MRC1: variants seen among roughly 807,000 people sequenced by gnomAD.
MRC1 encodes the protein mannose receptor C-type 1.
Under a neutral mutation model 102.9 loss-of-function variants are expected in MRC1, and 62 were observed. The ratio of observed to expected loss-of-function variants is 0.60; its 90% CI spans 0.49 to 0.74. MRC1 has a LOEUF of 0.74. Among genes scored for constraint, MRC1 ranks in the 30% least tolerant of loss-of-function variants. The pLI is 0.00. For synonymous variants in MRC1, 457 were observed against 298.4 expected, an observed-to-expected ratio of 1.53 and a Z score of -5.48; for missense variants, 1,237 against 862.8, an observed-to-expected ratio of 1.43 and a Z score of -5.43.
At chr10:17,820,181 T>C (rs1838374131) in intron 1 of MRC1, among the ~76,000 whole-genome samples, 1 of 152,180 alleles carries the variant, frequency 6.6e-6, no homozygotes, top group South Asian at 2.1e-4. Flanking sequence ...TGGTGCTTGA[T>C]CAAATATCTG....
intron 4 of MRC1, among the ~76,000 whole-genome samples, chr10:17,839,001 AG>A (rs2130622607): frequency 6.6e-6 from 1 of 152,310 alleles, no homozygotes; most frequent in East Asian, 1.9e-4. Context: ...TTTTAACCCA[AG>A]ATTTGAATTT....
intron 4 of MRC1, among the ~76,000 whole-genome samples, chr10:17,839,889 TC>T (rs1318628030): frequency 6.7e-6 from 1 of 148,552 alleles, no homozygotes; most frequent in Non-Finnish European, 1.5e-5. Flanking sequence ...TGAAATGTCA[TC>T]CCTCCTAAAA....
intron 8 of MRC1, among the ~76,000 whole-genome samples, chr10:17,855,443 C>A (rs976084297): frequency 4.3e-4 from 66 of 151,846 alleles, no homozygotes; most frequent in African/African-American, 1.5e-3. Context: ...TGGTGGCAGG[C>A]GCCTGTAGTC....
chr10:17,817,103 C>T (rs1838323976), intron 1 of MRC1, among the ~76,000 whole-genome samples: 1 of 151,940 alleles, frequency 6.6e-6, no homozygotes, highest in Non-Finnish European at 1.5e-5. Context: ...CAAAAATTAG[C>T]TGGGTGTGTG....
At chr10:17,843,058 A>G (rs1838774121) in intron 5 of MRC1, among the ~76,000 whole-genome samples, 1 of 152,226 alleles carries the variant, frequency 6.6e-6, no homozygotes, top group South Asian at 2.1e-4. Flanking sequence ...TGAAGTGAGG[A>G]TGTTTTGCAT....
Position 17,863,618 on chromosome 10 carries a change from A to T in MRC1, c.1719A>T (p.Lys573Asn). Residue 573 changes from lysine (K) to asparagine (N), a missense_variant, in exon 11 of 30, where the codon AAA (lysine) becomes AAT (asparagine). Coordinates refer to ENST00000569591, the MANE Select transcript of MRC1 (RefSeq NM_002438.4). Reference protein sequence around the residue: ...FWTGLSDIQTKGTFQWTIEEE... With the variant: ...FWTGLSDIQTNGTFQWTIEEE... ...CAGGACTTTCAGATATACAAACCAA[A>T]GGGACTTTTCAGTGGACCATCGAGG... 1.3e-6 allele frequency: 1 copy of T among 780,896 alleles called. No individual in the cohort carries two copies. The highest frequency in any genetic ancestry group is 2.4e-6 in the Non-Finnish European group (1 of 417,962). 48.4% of individuals were successfully genotyped at this position (780,896 alleles called of 1,614,324 possible). A position where few individuals can be genotyped will look rare whatever the true frequency, so the allele number is the denominator to read the frequency against.
chr10:17,831,035 C>T (rs1032533086), intron 3 of MRC1, among the ~76,000 whole-genome samples: 23 of 147,642 alleles, frequency 1.6e-4, no homozygotes, highest in Non-Finnish European at 2.5e-4. Context: ...ATTACAGGCG[C>T]GTGCCACCAT....
chr10:17,847,347 T>C (rs986242884), intron 6 of MRC1, among the ~76,000 whole-genome samples: 7 of 152,212 alleles, frequency 4.6e-5, no homozygotes, highest in Non-Finnish European at 8.8e-5. Context: ...ATGACTCTTC[T>C]TCCTGAGATA....
At chr10:17,841,623 A>T (rs1159214831) in intron 5 of MRC1, among the ~76,000 whole-genome samples, 1 of 152,204 alleles carries the variant, frequency 6.6e-6, no homozygotes, top group African/African-American at 2.4e-5. Flanking sequence ...TTTAGAGAAA[A>T]CAAAAAAATG....
intron 1 of MRC1, among the ~76,000 whole-genome samples, chr10:17,811,746 T>C (rs182760228): frequency 7.2e-5 from 11 of 152,066 alleles, no homozygotes; most frequent in Non-Finnish European, 1.5e-4. Flanking sequence ...ATTTTTAATT[T>C]TTTTTATTTT....
chr10:17,856,588 T>C (rs1337139479), intron 9 of MRC1, among the ~76,000 whole-genome samples: 1 of 151,978 alleles, frequency 6.6e-6, no homozygotes, highest in African/African-American at 2.4e-5. Context: ...CAGAATGTCA[T>C]GGGAATTGGA....
chr10:17,837,618 T>G (rs1161237746), intron 4 of MRC1, among the ~76,000 whole-genome samples: 2 of 151,692 alleles, frequency 1.3e-5, no homozygotes, highest in Non-Finnish European at 2.9e-5. Flanking sequence ...TTATTTTATT[T>G]TATTTTATTT....
chr10:17,892,905 G>A (rs1554843239), intron 22 of MRC1, among the ~76,000 whole-genome samples: 2 of 151,750 alleles, frequency 1.3e-5, no homozygotes, highest in African/African-American at 4.8e-5. Flanking sequence ...AGCTACTCGG[G>A]AGGCCGAGGC....
intron 21 of MRC1, among the ~76,000 whole-genome samples, chr10:17,883,505 A>T (rs1025368063): frequency 6.6e-6 from 1 of 152,102 alleles, no homozygotes; most frequent in East Asian, 1.9e-4. Context: ...ATTAAGAAAA[A>T]CAGAAGTCTC....
chr10:17,828,986 T>C (rs879953222), intron 3 of MRC1, among the ~76,000 whole-genome samples: 19,063 of 151,442 alleles, frequency 0.13, 1,566 homozygotes, highest in East Asian at 0.21. Context: ...CTCCTCCTGA[T>C]GCTGGCTCCA....
rs1833904205 is a variant in MRC1, at chr10:17,907,009, G to C, written c.3913+10G>C. The C allele has an allele frequency of 1.3e-6, 1 of 780,558 alleles. No homozygotes were observed. The highest frequency in any genetic ancestry group is 2.4e-6 in the Non-Finnish European group (1 of 417,908). 48.4% of individuals were successfully genotyped at this position (780,558 alleles called of 1,614,324 possible). On this transcript the variant is annotated intron_variant, in intron 27 of 29. Transcript: ENST00000569591. ...TTCAGAAATGTTGAAGGTAATTTTT[G>C]CAGCATGCTTATTTAATCACAAATA...
Position 17,823,172 on chromosome 10 carries a change from G to A in MRC1, c.160G>A (p.Glu54Lys), listed in dbSNP as rs1006701459. 6 of 780,850 alleles carry A rather than the reference G, an allele frequency of 7.7e-6. No individual in the cohort carries two copies. The highest frequency in any genetic ancestry group is 7.3e-5 in the East Asian group (3 of 41,256). 48.4% of individuals were successfully genotyped at this position (780,850 alleles called of 1,614,324 possible). The change falls in exon 2 of 30, where the codon GAA (glutamate) becomes AAA (lysine). Residue 54 changes from glutamate (E) to lysine (K), a missense_variant. Transcript: ENST00000569591. ...VQTAACNQDA[E>K]SQKFRWVSES... ...AACCGCAGCTTGCAACCAGGATGCCGAATCACAGAAATTCCGATGGGTGTC... is the reference window on the plus strand; with the variant it reads ...AACCGCAGCTTGCAACCAGGATGCCAAATCACAGAAATTCCGATGGGTGTC...
chr10:17,887,345 C>T (rs1335378859), intron 22 of MRC1, among the ~76,000 whole-genome samples: 5 of 152,120 alleles, frequency 3.3e-5, no homozygotes, highest in Non-Finnish European at 7.4e-5. Flanking sequence ...GAGCCGAGAT[C>T]GCGCCACTGC....
In MRC1 at chr10:17,910,692, A is replaced by G; in HGVS notation, c.*227A>G. Reference sequence around the variant, plus strand: ...ATTACTACCTTTTAAAATATTTTAGATAAATGCACAGCACCACAGCACCAC... The same window carrying G: ...ATTACTACCTTTTAAAATATTTTAGGTAAATGCACAGCACCACAGCACCAC... On this transcript the variant is annotated 3_prime_UTR_variant, in exon 30 of 30. Transcript: ENST00000569591. 5 of 570,364 alleles carry G rather than the reference A, an allele frequency of 8.8e-6. No individual in the cohort carries two copies. The South Asian group carries it at 1.0e-4, about 11-fold the overall frequency. 35.3% of individuals were successfully genotyped at this position (570,364 alleles called of 1,614,324 possible).
Sources: allele counts gnomAD v4.1 joint callset (sites outside exome capture counted in the v4.1 genomes callset), GRCh38; gene constraint gnomAD v4.1.1; transcripts MANE v1.5; gene names NCBI Gene and HGNC (gene_info 2026-07-23, HGNC 2026-07-21).